Variants in AP1G2 observed in about 807,000 individuals in gnomAD.
The protein encoded by AP1G2 is AP-1 complex subunit gamma-like 2.
Under a neutral mutation model 95.8 loss-of-function variants are expected in AP1G2, and 85 were observed. The observed-to-expected ratio is 0.89, with a 90% CI of 0.74 to 1.06. AP1G2 has a LOEUF of 1.06. AP1G2 is among the 50% of genes least tolerant of loss of function. The probability of loss-of-function intolerance (pLI) is 0.00; values close to 1 mark genes in which losing one functional copy is unlikely to be tolerated. For synonymous variants in AP1G2, 378 were observed against 400.0 expected (o/e 0.94, Z 0.66); for missense variants, 967 against 1,005.8 (o/e 0.96, Z 0.52).
Position 23,564,245 on chromosome 14 carries a change from G to C in AP1G2, c.978-86C>G, listed in dbSNP as rs1002910558. On this transcript the variant is annotated intron_variant, in intron 10 of 21. Coordinates refer to ENST00000397120, the MANE Select transcript of AP1G2 (RefSeq NM_003917.5). The stretch of plus-strand genomic sequence containing the variant: ...TCCTGGGTATAGGGATAAGATAAGA[G>C]AGAAATGGATCAGGAGGCTCTGGAG... 3 of 1,613,120 alleles carry C rather than the reference G, an allele frequency of 1.9e-6. No homozygotes were observed. The African/African-American group carries it at 4.0e-5, about 22-fold the overall frequency.
chr14:23,562,390 A>C lies in AP1G2; in HGVS notation c.1526T>G (p.Leu509Trp). 1 of 1,614,154 alleles carries C rather than the reference A, an allele frequency of 6.2e-7. No individual in the cohort carries two copies. The highest frequency in any genetic ancestry group is 1.1e-5 in the South Asian group (1 of 91,078). Reference sequence around the variant, plus strand: ...GTGGGACTGCAGCACCTTTTCCAGCAATGCCAGCACTTCCTCTTCGTCCAC... The same window carrying C: ...GTGGGACTGCAGCACCTTTTCCAGCCATGCCAGCACTTCCTCTTCGTCCAC... Reference protein sequence around the residue: ...LQVDEEEVLALLEKVLQSHMS... With the variant: ...LQVDEEEVLAWLEKVLQSHMS... The change falls in exon 16 of 22, where the codon TTG (leucine) becomes TGG (tryptophan). Residue 509 changes from leucine (L) to tryptophan (W), a missense_variant. Physicochemically the swap from Leu to Trp is moderately conservative, Grantham distance 61. Transcript: ENST00000397120.
Position 23,567,403 on chromosome 14 carries a change from T to C in AP1G2, c.-5-84A>G, listed in dbSNP as rs2139424866. 2.7e-6 allele frequency: 4 copies of C among 1,471,772 alleles called. No homozygotes were observed. In the East Asian group the frequency reaches 1.1e-4, roughly 39 times the overall value. The allele number at this position is 1,471,772 out of a possible 1,614,324, so 91.2% of individuals were successfully genotyped here. ...CCAGGCCCGTCCTGTGTCAAGACCC[T>C]AAGAGCCCGGGTCCCACAGGTACCC... On this transcript the variant is annotated intron_variant, in intron 1 of 21. Coordinates refer to ENST00000397120, the MANE Select transcript of AP1G2 (RefSeq NM_003917.5). This position sits in a 1 kb window ranked among gnomAD's most constrained non-coding sequence, Gnocchi z 5.3.
In AP1G2 at chr14:23,565,655, C is replaced by T. The variant is rs778115740; in HGVS notation, c.692G>A (p.Gly231Glu). The change falls in exon 7 of 22, where the codon GGA (glycine) becomes GAA (glutamate). Residue 231 changes from glycine to glutamate, a missense_variant. Physicochemically the swap from Gly to Glu is moderately conservative, Grantham distance 98. Coordinates refer to ENST00000397120, the MANE Select transcript of AP1G2 (RefSeq NM_003917.5). ...VHILRTLVTM[G>E]YSTEHSISGV... ...AGATATGCTGTGTTCTGTGGAGTATCCCATTGTCACCAGAGTCCGGAGGAT... is the reference window on the plus strand; with the variant it reads ...AGATATGCTGTGTTCTGTGGAGTATTCCATTGTCACCAGAGTCCGGAGGAT... 5.0e-6 allele frequency: 8 copies of T among 1,614,140 alleles called. No individual in the cohort carries two copies. The highest frequency in any genetic ancestry group is 4.4e-5 in the South Asian group (4 of 91,080).
In AP1G2 at chr14:23,566,415, G is replaced by C. The variant is rs779724676; in HGVS notation, c.334C>G (p.Leu112Val). The change falls in exon 4 of 22, where the codon CTG (leucine) becomes GTG (valine). Residue 112 changes from leucine to valine, a missense_variant. Transcript: ENST00000397120. ...TGTACTGGCTGAATCCCCTGGCTCA[G>C]GTCACTGCAGGGTTTGGGAGGACGG... ...LLITNSIKND[L>V]SQGIQPVQGL... 1.2e-6 allele frequency: 2 copies of C among 1,613,532 alleles called. No homozygotes were observed. The highest frequency in any genetic ancestry group is 2.7e-5 in the African/African-American group (2 of 74,926).
In AP1G2 at chr14:23,565,715, A is replaced by C. The variant is rs780727435; in HGVS notation, c.646-14T>G. 8 of 1,612,386 alleles carry C rather than the reference A, an allele frequency of 5.0e-6. No individual in the cohort carries two copies. On this transcript the variant is annotated splice_polypyrimidine_tract_variant and intron_variant, in intron 6 of 21. Transcript: ENST00000397120. ...CTGGGGTACCACCTGGAGGGAGGGC[A>C]CAACTTTGGGCATTCGTTCTAATCC...
chr14:23,565,111 G>C lies in AP1G2; in HGVS notation c.822+8C>G, dbSNP rs201044399. 6.8e-5 allele frequency: 109 copies of C among 1,614,194 alleles called. 1 individual carries two copies. In the African/African-American group the frequency reaches 1.3e-3, roughly 19 times the overall value. On this transcript the variant is annotated splice_region_variant and intron_variant, in intron 8 of 21. Coordinates refer to ENST00000397120, the MANE Select transcript of AP1G2 (RefSeq NM_003917.5). ...AACACAGCTAACCAGTGCCCTCCCA[G>C]GCCCCACCTGGGCCAGCAAGTCATT...
In AP1G2 at chr14:23,563,620, G is replaced by A. The variant is rs1886239773; in HGVS notation, c.1251C>T (p.Arg417=). Reference sequence around the variant, plus strand: ...CATGCAGGATGGTGTCTATGTGCCAGCGTTTGGTTGGAGCAAACCTAGGGG... The same window carrying A: ...CATGCAGGATGGTGTCTATGTGCCAACGTTTGGTTGGAGCAAACCTAGGGG... ...LAAERFAPTK[R]WHIDTILHVL... The change falls in exon 13 of 22, where the codon CGC becomes CGT. Residue 417 remains arginine, a synonymous_variant. Transcript: ENST00000397120. 4 of 1,614,188 alleles carry A rather than the reference G, an allele frequency of 2.5e-6. No homozygotes were observed. The highest frequency in any genetic ancestry group is 3.4e-6 in the Non-Finnish European group (4 of 1,180,034).
At chr14:23,565,950 G>C in intron 5 of AP1G2, 58 bp from the exon 6 acceptor site, 1 of 1,605,526 alleles carries the variant, frequency 6.2e-7, no homozygotes, top group Non-Finnish European at 8.5e-7. Context: ...AGTCTATTGC[G>C]TGTGTGCCTG....
At chr14:23,565,371 C>T (rs2139326364) in intron 7 of AP1G2, 172 bp from the exon 8 acceptor site, 1 of 755,862 alleles carries the variant, frequency 1.3e-6, no homozygotes, top group East Asian at 2.7e-5. Context: ...TGTGTGAGGC[C>T]AGGGGAGTTT....
rs1595283373 is a variant in AP1G2 at position 23,562,014 on chromosome 14, G to T, written c.1681C>A (p.Gln561Lys). ...GTGTCATACTCCACAGCCCGCTGCTGCAGCTCCACGTCCAAGCAGCTCCCG... is the reference window on the plus strand; with the variant it reads ...GTGTCATACTCCACAGCCCGCTGCTTCAGCTCCACGTCCAAGCAGCTCCCG... Reference protein sequence around the residue: ...IYGSCLDVELQQRAVEYDTLF... With the variant: ...IYGSCLDVELKQRAVEYDTLF... The change falls in exon 17 of 22, where the codon CAG (glutamine) becomes AAG (lysine). Residue 561 changes from glutamine to lysine, a missense_variant. By Grantham distance (53) the Gln-to-Lys change is moderately conservative. Coordinates refer to ENST00000397120, the MANE Select transcript of AP1G2 (RefSeq NM_003917.5). 6.2e-7 allele frequency: 1 copy of T among 1,613,646 alleles called. No homozygotes were observed. Among genetic ancestry groups the T allele is most frequent in the Non-Finnish European group, 8.5e-7 (1 of 1,179,854 alleles).
At position 23,561,390 on chromosome 14, in the gene AP1G2, A is replaced by G; in HGVS notation, c.1899T>C (p.Ala633=). The G allele has an allele frequency of 1.2e-6, 2 of 1,604,294 alleles. No homozygotes were observed. Among genetic ancestry groups the G allele is most frequent in the Non-Finnish European group, 1.7e-6 (2 of 1,174,006 alleles). The change falls in exon 19 of 22, where the codon GCT becomes GCC. Residue 633 remains alanine (A), a synonymous_variant. Coordinates refer to ENST00000397120, the MANE Select transcript of AP1G2 (RefSeq NM_003917.5). ...LLDLLDLLDG[A]SGDVQHPPHL... ...GGGGAGGATGCTGGACATCCCCAGA[A>G]GCCCCATCCAGGAGATCTAGCAGAT...
Position 23,567,131 on chromosome 14 carries a change from AG to A in AP1G2, c.183del (p.Tyr62ThrfsTer11). On this transcript the variant is annotated frameshift_variant, in exon 2 of 22. Transcript: ENST00000397120. LOFTEE classifies it high-confidence loss of function. This position sits in a 1 kb window ranked among gnomAD's most constrained non-coding sequence, Gnocchi z 5.3. ...LAKLLYVHML[G>X]YPAHFGQMEC... ...AGTACCTGTCCAAAGTGGGCGGGGT[AG>A]CCCAACATGTGGACGTAGAGCAGTT... is the stretch of plus-strand genomic sequence containing the variant. 1 of 1,611,184 alleles carries A rather than the reference AG, an allele frequency of 6.2e-7. No individual in the cohort carries two copies. Among genetic ancestry groups the A allele is most frequent in the Non-Finnish European group, 8.5e-7 (1 of 1,178,654 alleles).
Position 23,559,961 on chromosome 14 carries a change from A to C in AP1G2, c.2233T>G (p.Phe745Val). Reference sequence around the variant, plus strand: ...ACCTTGTTAGGATTGAGGATTCTGAAGAGCTGGGTGATAGGAAGGCCACCC... The same window carrying C: ...ACCTTGTTAGGATTGAGGATTCTGACGAGCTGGGTGATAGGAAGGCCACCC... ...ARGGLPITQLFRILNPNKAPL... is the reference protein window; with the variant it reads ...ARGGLPITQLVRILNPNKAPL... Residue 745 changes from phenylalanine (F) to valine (V), a missense_variant, in exon 21 of 22, where the codon TTC becomes GTC. Phe to Val is a conservative substitution (Grantham distance 50, BLOSUM62 -1). Transcript: ENST00000397120. 1 of 1,613,414 alleles carries C rather than the reference A, an allele frequency of 6.2e-7. No individual in the cohort carries two copies. Among genetic ancestry groups the C allele is most frequent in the East Asian group, 2.2e-5 (1 of 44,882 alleles).
In AP1G2 at chr14:23,559,923, A is replaced by G. The variant is rs1883268335; in HGVS notation, c.2256+15T>C. 1.2e-6 allele frequency: 2 copies of G among 1,611,738 alleles called. No homozygotes were observed. The highest frequency in any genetic ancestry group is 1.3e-5 in the African/African-American group (1 of 74,916). The stretch of plus-strand genomic sequence containing the variant: ...TATCCCTGGGTCTTGTCTTGGGGGA[A>G]CTCCTGAAGCTCACCTTGTTAGGAT... On this transcript the variant is annotated intron_variant, in intron 21 of 21. Coordinates refer to ENST00000397120, the MANE Select transcript of AP1G2 (RefSeq NM_003917.5).
In AP1G2 at chr14:23,564,378, A is replaced by C. The variant is rs761306651; in HGVS notation, c.932T>G (p.Val311Gly). The change falls in exon 10 of 22, where the codon GTC becomes GGC. Residue 311 changes from valine to glycine, a missense_variant. Coordinates refer to ENST00000397120, the MANE Select transcript of AP1G2 (RefSeq NM_003917.5). ...GAGTAGGAAGCGACCAAGAATGTTGACAGCTAGAACCTATGAGAGGCAGAA... is the reference window on the plus strand; with the variant it reads ...GAGTAGGAAGCGACCAAGAATGTTGCCAGCTAGAACCTATGAGAGGCAGAA... ...RSAAGLRVLA[V>G]NILGRFLLNS... is the part of the protein sequence containing the mutation. The C allele has an allele frequency of 6.2e-7, 1 of 1,614,200 alleles. No individual in the cohort carries two copies. The highest frequency in any genetic ancestry group is 8.5e-7 in the Non-Finnish European group (1 of 1,180,028).
At chr14:23,562,195 A>G in intron 16 of AP1G2, 93 bp downstream of exon 16, 1 of 1,589,390 alleles carries the variant, frequency 6.3e-7, no homozygotes, top group Non-Finnish European at 8.6e-7. Flanking sequence ...GCTAGGGGGT[A>G]GGGAGGGCTG....
At position 23,566,275 on chromosome 14, in the gene AP1G2, C is replaced by T. The variant is rs750502009; in HGVS notation, c.471+3G>A. 6.2e-7 allele frequency: 1 copy of T among 1,613,734 alleles called. No individual in the cohort carries two copies. The highest frequency in any genetic ancestry group is 8.5e-7 in the Non-Finnish European group (1 of 1,179,876). Reference sequence around the variant, plus strand: ...GCACGTGCCAGGAGTCCCGCCATCTCACCTTCTTGCGCACGTAGGGACTGG... The same window carrying T: ...GCACGTGCCAGGAGTCCCGCCATCTTACCTTCTTGCGCACGTAGGGACTGG... On this transcript the variant is annotated splice_donor_region_variant and intron_variant, in intron 4 of 21. Coordinates refer to ENST00000397120, the MANE Select transcript of AP1G2 (RefSeq NM_003917.5).
In AP1G2 at chr14:23,561,500, T is replaced by C. The variant is rs1884647583; in HGVS notation, c.1857+12A>G. ...GCCCGTCTTCCTACCCCAGAGTTTC[T>C]AGCCTTCTCACCTGGGGCTCTGTGG... On this transcript the variant is annotated intron_variant, in intron 18 of 21. Transcript: ENST00000397120. 1.2e-6 allele frequency: 2 copies of C among 1,614,146 alleles called. No individual in the cohort carries two copies. The highest frequency in any genetic ancestry group is 1.7e-6 in the Non-Finnish European group (2 of 1,180,012).
In AP1G2 at chr14:23,562,327, G is replaced by A. The variant is rs199694194; in HGVS notation, c.1589C>T (p.Ala530Val). Residue 530 changes from alanine to valine, a missense_variant, in exon 16 of 22, where the codon GCC (alanine) becomes GTC (valine). By Grantham distance (64) the Ala-to-Val change is moderately conservative (BLOSUM62 0). Transcript: ENST00000397120. ...GAGGCGAGTGCTGAGCTTCATGAGG[G>A]CTGTGAGGGCATATCCTCGAGTGGC... ...LPATRGYALT[A>V]LMKLSTRLCG... 8.7e-6 allele frequency: 14 copies of A among 1,614,234 alleles called. No individual in the cohort carries two copies. The highest frequency in any genetic ancestry group is 1.1e-5 in the Non-Finnish European group (13 of 1,180,032).
Sources: allele counts gnomAD v4.1 joint callset, GRCh38; gene constraint gnomAD v4.1.1; non-coding constraint Gnocchi (gnomAD v3.1); transcripts MANE v1.5; gene names NCBI Gene and HGNC (gene_info 2026-07-23, HGNC 2026-07-21).